CHST15: variants seen among roughly 807,000 people sequenced by gnomAD.
CHST15 encodes the protein B cell RAG associated protein (GALNAC4S-6ST).
Under a neutral mutation model 53.6 loss-of-function variants are expected in CHST15, and 30 were observed. The observed-to-expected ratio is 0.56, with a 90% CI of 0.42 to 0.76. The LOEUF is 0.76. Ranked by LOEUF, CHST15 falls within the 30% of genes least tolerant of loss-of-function variation. The pLI is 0.00. For synonymous variants in CHST15, 296 were observed against 289.8 expected (o/e 1.02, Z -0.22); for missense variants, 627 against 740.5 (o/e 0.85, Z 1.78).
intron 1 of CHST15, among the ~76,000 whole-genome samples, chr10:124,081,691 G>A (rs926154031): frequency 2.0e-5 from 3 of 152,138 alleles, no homozygotes; most frequent in Admixed American, 6.5e-5. Flanking sequence ...GAGCTAAATG[G>A]TGCCTGGAAA....
chr10:124,030,174 A>T (rs1274616357), intron 5 of CHST15, among the ~76,000 whole-genome samples: 1 of 152,068 alleles, frequency 6.6e-6, no homozygotes, highest in African/African-American at 2.4e-5. Context: ...TCTTCAGAGA[A>T]CCCCTTCACA....
Position 124,080,228 on chromosome 10 carries a change from C to T in CHST15, c.-513+13241G>A, listed in dbSNP as rs182502208. Among the ~76,000 whole-genome samples, 18 of 152,262 alleles carry T rather than the reference C, an allele frequency of 1.2e-4. 1 individual carries two copies. The highest frequency in any genetic ancestry group is 3.6e-4 in the African/African-American group (15 of 41,540). On this transcript the variant is annotated intron_variant, in intron 1 of 7. Transcript: ENST00000435907. ...CAGAAGAGAAGAAAATCAACCCAGG[C>T]GTCCAATAAACCAAGTCTCTTTCTC...
chr10:124,075,889 C>A (rs144609825), intron 1 of CHST15, among the ~76,000 whole-genome samples: 2 of 152,252 alleles, frequency 1.3e-5, no homozygotes, highest in African/African-American at 2.4e-5. Context: ...GCTTCCTGGG[C>A]GGGATTTTAT....
chr10:124,028,224 C>A (rs1209085617), intron 5 of CHST15, among the ~76,000 whole-genome samples: 1 of 152,170 alleles, frequency 6.6e-6, no homozygotes, highest in Admixed American at 6.5e-5. Context: ...ATCATGAAGC[C>A]GGAACACACT....
chr10:124,058,879 C>G (rs1415468148), intron 1 of CHST15, among the ~76,000 whole-genome samples: 1 of 152,196 alleles, frequency 6.6e-6, no homozygotes, highest in Non-Finnish European at 1.5e-5. Context: ...TCCTTGTGTC[C>G]AGACACCAGG....
intron 4 of CHST15, 46 bp from the exon 5 acceptor site, chr10:124,038,717 T>C: frequency 6.3e-7 from 1 of 1,599,626 alleles, no homozygotes; most frequent in Non-Finnish European, 8.5e-7. Context: ...TGATTCAGGC[T>C]CCCACGGAGT....
chr10:124,042,188 T>C, intron 4 of CHST15, 113 bp downstream of exon 4: 2 of 1,100,940 alleles, frequency 1.8e-6, no homozygotes, highest in African/African-American at 1.6e-5. Flanking sequence ...AAAAGAAGTT[T>C]GCTGCCACCA....
In CHST15 at chr10:124,082,897, T is replaced by C. The variant is rs150808417; in HGVS notation, c.-513+10572A>G. ...GGCTGGACAGAGACAAGAAGTAGAT[T>C]TGTGGTTGCTCAAGGCTGAAGGGTA... On this transcript the variant is annotated intron_variant, in intron 1 of 7. Transcript: ENST00000435907. 5.6e-4 allele frequency among the ~76,000 whole-genome samples: 86 copies of C among 152,230 alleles called. 1 individual carries two copies. The East Asian group carries it at 0.014, about 25-fold the overall frequency.
intron 2 of CHST15, 149 bp from the exon 3 acceptor site, chr10:124,045,068 G>C (rs79480370): frequency 0.037 from 10,968 of 297,968 alleles, 1,064 homozygotes; most frequent in African/African-American, 0.23. Flanking sequence ...AGCAAAACTT[G>C]GTAGACGGTC....
chr10:124,028,630 T>C (rs1343316159), intron 5 of CHST15, among the ~76,000 whole-genome samples: 1 of 152,210 alleles, frequency 6.6e-6, no homozygotes, highest in Admixed American at 6.5e-5. Context: ...CAGGGACTCA[T>C]GTCAGAAGTC....
intron 4 of CHST15, 31 bp downstream of exon 4, chr10:124,042,270 T>C: frequency 6.3e-6 from 10 of 1,595,264 alleles, no homozygotes; most frequent in Non-Finnish European, 8.6e-6. Context: ...GGGAGGGTGC[T>C]AGCCCTGCCA....
At chr10:124,047,225 A>G (rs889930908) in intron 1 of CHST15, among the ~76,000 whole-genome samples, 4 of 152,246 alleles carry the variant, frequency 2.6e-5, no homozygotes, top group African/African-American at 9.6e-5. Context: ...CACTGGCATC[A>G]GCAGTCTCTT....
At chr10:124,059,742 A>G (rs565805239) in intron 1 of CHST15, among the ~76,000 whole-genome samples, 6 of 152,090 alleles carry the variant, frequency 3.9e-5, no homozygotes, top group Non-Finnish European at 7.4e-5. Flanking sequence ...GCAGCTGCAC[A>G]CTCCCCACCA....
At chr10:124,012,903 C>G (rs7067701) in intron 6 of CHST15, among the ~76,000 whole-genome samples, 40,312 of 152,104 alleles carry the variant, frequency 0.27, 5,474 homozygotes, top group East Asian at 0.36. Context: ...AGACAACCTA[C>G]ATGAGTGAAG....
In CHST15 at chr10:124,038,116, T is replaced by A. The variant is rs1035935147; in HGVS notation, c.1190+399A>T. ...TTGTTTGTTTTTATTTTATTTTATT[T>A]TTTTTTTTGAGATGGAGTCTCACTC... On this transcript the variant is annotated intron_variant, in intron 5 of 7. Transcript: ENST00000435907. Among the ~76,000 whole-genome samples, 271 of 151,806 alleles carry A rather than the reference T, an allele frequency of 1.8e-3. 5 individuals carry two copies. Among genetic ancestry groups the A allele is most frequent in the African/African-American group, 6.1e-3 (254 of 41,444 alleles).
At chr10:124,092,999 C>G (rs1022513742) in intron 1 of CHST15, among the ~76,000 whole-genome samples, 1 of 152,212 alleles carries the variant, frequency 6.6e-6, no homozygotes, top group African/African-American at 2.4e-5. Context: ...CACCACGCCA[C>G]TGCTCGGTCC....
chr10:124,011,193 C>T, intron 7 of CHST15: 2 of 806,304 alleles, frequency 2.5e-6, no homozygotes, highest in Non-Finnish European at 3.0e-6. Flanking sequence ...TAACCCATCA[C>T]TGCTCAAGCC....
At chr10:124,066,806 C>T (rs1248722776) in intron 1 of CHST15, among the ~76,000 whole-genome samples, 2 of 152,260 alleles carry the variant, frequency 1.3e-5, no homozygotes, top group East Asian at 3.9e-4. Flanking sequence ...CCAGCCACAG[C>T]TCATTTCCTG....
chr10:124,091,222 T>C (rs917988145), intron 1 of CHST15, among the ~76,000 whole-genome samples: 3 of 152,228 alleles, frequency 2.0e-5, no homozygotes, highest in Admixed American at 6.5e-5. Context: ...TCATATATGA[T>C]CTATGTATGT....
Sources: gnomAD v4.1 joint callset for allele counts (sites outside exome capture counted in the v4.1 genomes callset) on GRCh38, gnomAD v4.1.1 for gene constraint, MANE v1.5 for transcripts, NCBI Gene and HGNC (gene_info 2026-07-23, HGNC 2026-07-21) for gene names.